ACADVL: variants seen among roughly 807,000 people sequenced by gnomAD.
ACADVL encodes acyl-CoA dehydrogenase very long chain.
A neutral mutation model predicts 80.4 loss-of-function variants in ACADVL; 73 were observed. The ratio of observed to expected loss-of-function variants is 0.91; its 90% confidence interval spans 0.75 to 1.10. The LOEUF (loss-of-function observed/expected upper bound fraction) is 1.10. Among genes scored for constraint, ACADVL ranks in the 50% least tolerant of loss-of-function variants. ACADVL has a pLI of 0.00. For synonymous variants in ACADVL, 392 were observed against 326.5 expected (o/e 1.20, Z -2.16); for missense variants, 878 against 858.9 (o/e 1.02, Z -0.28).
upstream of ACADVL, chr17:7,217,678 G>C (rs1255781760): frequency 2.7e-6 from 4 of 1,482,374 alleles, no homozygotes; most frequent in Non-Finnish European, 3.6e-6. Flanking sequence ...AGAATGGGGG[G>C]GGTGCCTTGG....
rs1567565733 is a variant in ACADVL at position 7,222,833 on chromosome 17, G to A, written c.1045G>A (p.Ala349Thr). 1.2e-6 allele frequency: 2 copies of A among 1,613,010 alleles called. No homozygotes were observed. The highest frequency in any genetic ancestry group is 1.7e-6 in the Non-Finnish European group (2 of 1,180,012). Residue 349 changes from alanine (A) to threonine (T), a missense_variant, in exon 10 of 20, where the codon GCA becomes ACA. By Grantham distance (58) the Ala-to-Thr change is moderately conservative. Coordinates refer to ENST00000356839, the MANE Select transcript of ACADVL (RefSeq NM_000018.4). ...AAGGTTTGGCATGGCTGCGGCCCTG[G>A]CAGGTACCATGAGAGGCATCATTGC... ...NGRFGMAAAL[A>T]GTMRGIIAKA...
At chr17:7,222,369 G>T in intron 9 of ACADVL, 67 bp downstream of exon 9, 1 of 1,588,878 alleles carries the variant, frequency 6.3e-7, no homozygotes, top group South Asian at 1.1e-5. Flanking sequence ...GCAGATGGCT[G>T]TTGCAAGTCA....
At chr17:7,217,546 G>A, upstream of ACADVL, 3 of 812,310 alleles carry the variant, frequency 3.7e-6, no homozygotes, top group Non-Finnish European at 4.4e-6. Flanking sequence ...TAGGGGCCGT[G>A]GCGGGGGAGT....
Position 7,225,243 on chromosome 17 carries a change from A to G in ACADVL, c.*146A>G, listed in dbSNP as rs2071421498. On this transcript the variant is annotated 3_prime_UTR_variant, in exon 20 of 20. Coordinates refer to ENST00000356839, the MANE Select transcript of ACADVL (RefSeq NM_000018.4). ...CTCAAGAGCACTTACTGCCTCGCAA[A>G]TAATAAAAATTTCTAGCCAGTCATG... The G allele has an allele frequency of 1.8e-6, 2 of 1,099,756 alleles. No homozygotes were observed. The highest frequency in any genetic ancestry group is 2.6e-6 in the Non-Finnish European group (2 of 761,454). The allele number at this position is 1,099,756 out of a possible 1,614,324, so 68.1% of individuals were successfully genotyped here.
In ACADVL at chr17:7,224,696, T is replaced by C. The variant is rs375806217; in HGVS notation, c.1733T>C (p.Met578Thr). 20 of 1,522,970 alleles carry C rather than the reference T, an allele frequency of 1.3e-5. No individual in the cohort carries two copies. The African/African-American group carries it at 2.3e-4, about 18-fold the overall frequency. The allele number at this position is 1,522,970 out of a possible 1,614,324, so 94.3% of individuals were successfully genotyped here. The change falls in exon 18 of 20, where the codon ATG becomes ACG. Residue 578 changes from methionine (M) to threonine (T), a missense_variant. Physicochemically the swap from Met to Thr is moderately conservative, Grantham distance 81. Coordinates refer to ENST00000356839, the MANE Select transcript of ACADVL (RefSeq NM_000018.4). ...LADGAIDLYAMVVVLSRASRS... is the reference protein window; with the variant it reads ...LADGAIDLYATVVVLSRASRS... Reference sequence around the variant, plus strand: ...GACGGGGCCATCGACCTCTATGCCATGGTGGTGGTTCTCTCGAGGTGAGGA... The same window carrying C: ...GACGGGGCCATCGACCTCTATGCCACGGTGGTGGTTCTCTCGAGGTGAGGA...
chr17:7,224,373 T>G lies in ACADVL; in HGVS notation c.1585T>G (p.Leu529Val). The change falls in exon 16 of 20, where the codon TTG (leucine) becomes GTG (valine). Residue 529 changes from leucine to valine, a missense_variant. By Grantham distance (32) the Leu-to-Val change is conservative (BLOSUM62 1). Coordinates refer to ENST00000356839, the MANE Select transcript of ACADVL (RefSeq NM_000018.4). ...TCTCAGCGGACTTGTCCACCCGGAG[T>G]TGAGTCGGAGTGGCGAGCTGGTAAG... ...LSLSGLVHPE[L>V]SRSGELAVRA... 1 of 1,613,434 alleles carries G rather than the reference T, an allele frequency of 6.2e-7. No homozygotes were observed. The highest frequency in any genetic ancestry group is 8.5e-7 in the Non-Finnish European group (1 of 1,179,816).
upstream of ACADVL, chr17:7,218,136 G>T: frequency 9.1e-7 from 1 of 1,093,928 alleles, no homozygotes; most frequent in African/African-American, 1.6e-5. Flanking sequence ...TCAGGCTTTT[G>T]TCAGCAGGGC....
At chr17:7,220,380 G>T in intron 2 of ACADVL, 84 bp from the exon 3 acceptor site, 1 of 1,595,874 alleles carries the variant, frequency 6.3e-7, no homozygotes, top group Non-Finnish European at 8.6e-7. Flanking sequence ...GCTTCGCGCC[G>T]CCTCCCCGCG....
At chr17:7,219,417 T>C, upstream of ACADVL, 2 of 1,016,446 alleles carry the variant, frequency 2.0e-6, no homozygotes, top group Middle Eastern at 5.0e-4. Context: ...TGTGAAACTG[T>C]AGCTGTTCCA....
At chr17:7,219,557 C>T (rs866382039), upstream of ACADVL, 45 of 1,105,096 alleles carry the variant, frequency 4.1e-5, no homozygotes, top group African/African-American at 6.3e-4. Flanking sequence ...ACCCTAGAGT[C>T]TGTCTTTCCA....
chr17:7,219,890 A>C (rs1056775771), upstream of ACADVL: 19 of 1,523,066 alleles, frequency 1.2e-5, no homozygotes, highest in Admixed American at 2.0e-5. Context: ...TGCACTGTGG[A>C]CGATGAGTCA....
At chr17:7,220,876 T>G (rs764569972) in intron 5 of ACADVL, 46 bp downstream of exon 5, 4 of 1,613,854 alleles carry the variant, frequency 2.5e-6, no homozygotes. Context: ...TGTTTGGAGA[T>G]GTTAAGCTCA....
upstream of ACADVL, chr17:7,217,189 T>C: frequency 7.9e-7 from 1 of 1,270,156 alleles, no homozygotes; most frequent in Non-Finnish European, 1.0e-6. Context: ...GGGCTCTGAC[T>C]TCATCGGAGT....
chr17:7,222,142 G>A (rs372644104), intron 8 of ACADVL, 35 bp from the exon 9 acceptor site: 35 of 1,613,940 alleles, frequency 2.2e-5, no homozygotes, highest in East Asian at 6.7e-5. Context: ...ACTGCTCCCC[G>A]TCCTCCACGC....
At chr17:7,222,388 A>G in intron 9 of ACADVL, 86 bp downstream of exon 9, 1 of 1,559,960 alleles carries the variant, frequency 6.4e-7, no homozygotes, top group East Asian at 2.3e-5. Flanking sequence ...CACCCTGGGG[A>G]CGTGTGCAAA....
upstream of ACADVL, chr17:7,218,558 A>G: frequency 6.4e-7 from 1 of 1,562,242 alleles, no homozygotes; most frequent in Non-Finnish European, 8.7e-7. Context: ...GGCCTGGAAG[A>G]GGTCGCTATG....
At chr17:7,217,166 G>A (rs1302289684), upstream of ACADVL, 26 of 1,284,730 alleles carry the variant, frequency 2.0e-5, no homozygotes, top group Non-Finnish European at 2.5e-5. Flanking sequence ...GCCTGGCCGC[G>A]GCGGCGGGTA....
rs767953665 is a variant in ACADVL at position 7,223,371 on chromosome 17, C to T, written c.1182+134C>T. On this transcript the variant is annotated intron_variant, in intron 11 of 19. Coordinates refer to ENST00000356839, the MANE Select transcript of ACADVL (RefSeq NM_000018.4). ...CAATGCCCTAGGGGATGCGGGGAGG[C>T]ATAGTCAGCTCAGCTTCTGCGAAGA... 5 of 915,312 alleles carry T rather than the reference C, an allele frequency of 5.5e-6. No homozygotes were observed. In the South Asian group the frequency reaches 5.5e-5, roughly 10 times the overall value. 56.7% of individuals were successfully genotyped at this position (915,312 alleles called of 1,614,324 possible).
upstream of ACADVL, chr17:7,219,715 C>T (rs377448912): frequency 7.1e-7 from 1 of 1,411,176 alleles, no homozygotes. Flanking sequence ...CCTATCCCAT[C>T]ACCCCGTCGG....
Sources: allele counts gnomAD v4.1 joint callset, GRCh38; gene constraint gnomAD v4.1.1; transcripts MANE v1.5; gene names NCBI Gene and HGNC (gene_info 2026-07-23, HGNC 2026-07-21).